The following DIAPH3 variants were observed in gnomAD, a reference collection of about 807,000 sequenced individuals.
DIAPH3 encodes protein diaphanous homolog 3.
DIAPH3 carries 117 observed loss-of-function variants against 144.3 expected under a neutral mutation model. The observed-to-expected ratio is 0.81, with a 90% CI of 0.70 to 0.95. The LOEUF (loss-of-function observed/expected upper bound fraction) is 0.95, where lower values mean the gene tolerates loss of function less well. DIAPH3 is among the 40% of genes least tolerant of loss of function. The pLI is 0.00. For missense variants in DIAPH3, 1,421 were observed against 1,412.7 expected, an observed-to-expected ratio of 1.01 and a Z score of -0.09; for synonymous variants, 519 against 488.9, an observed-to-expected ratio of 1.06 and a Z score of -0.81.
intron 7 of DIAPH3, chr13:60,012,645 T>C (rs339530): frequency 0.56 from 85,243 of 152,310 alleles, 24,409 homozygotes; most frequent in African/African-American, 0.61. Context: ...ACCTACCTGG[T>C]TGTCCTTAGC....
chr13:59,991,895 T>C (rs1162053649), intron 11 of DIAPH3, among the ~76,000 whole-genome samples, 173 bp downstream of exon 11: 1 of 152,064 alleles, frequency 6.6e-6, no homozygotes, highest in Non-Finnish European at 1.5e-5. Context: ...CGCTTACATA[T>C]ATGTGTATTC....
At chr13:59,818,581 T>C (rs921859870) in intron 24 of DIAPH3, among the ~76,000 whole-genome samples, 1 of 151,858 alleles carries the variant, frequency 6.6e-6, no homozygotes, top group Non-Finnish European at 1.5e-5. Flanking sequence ...TTTCCTATTC[T>C]ATGGATTGCT....
intron 4 of DIAPH3, among the ~76,000 whole-genome samples, chr13:60,082,072 G>A (rs1341651262): frequency 2.0e-5 from 3 of 151,476 alleles, no homozygotes; most frequent in Non-Finnish European, 2.9e-5. Context: ...CAGACATTAA[G>A]AGAATATATA....
chr13:60,084,059 T>TAGAA (rs952997556), intron 4 of DIAPH3, among the ~76,000 whole-genome samples: 56 of 145,528 alleles, frequency 3.8e-4, no homozygotes, highest in East Asian at 2.1e-4. Context: ...GATAGATAGA[T>TAGAA]AGAAAGAATA....
At chr13:59,686,412 A>G (rs895102671) in intron 27 of DIAPH3, among the ~76,000 whole-genome samples, 3 of 151,908 alleles carry the variant, frequency 2.0e-5, no homozygotes, top group Admixed American at 1.3e-4. Flanking sequence ...TCAATGTTCT[A>G]CTCAAAAGAG....
intron 25 of DIAPH3, among the ~76,000 whole-genome samples, chr13:59,794,293 T>C (rs907931401): frequency 1.3e-5 from 2 of 152,186 alleles, no homozygotes; most frequent in African/African-American, 4.8e-5. Flanking sequence ...TGAATTACCA[T>C]TTTCCCCAAA....
chr13:59,689,331 C>T (rs919512210), intron 27 of DIAPH3, among the ~76,000 whole-genome samples: 3 of 151,916 alleles, frequency 2.0e-5, no homozygotes, highest in African/African-American at 7.3e-5. Flanking sequence ...CTTCTTCACC[C>T]ACACAAGAGG....
chr13:60,081,851 G>C (rs1403939762), intron 4 of DIAPH3, among the ~76,000 whole-genome samples: 1 of 151,986 alleles, frequency 6.6e-6, no homozygotes, highest in Non-Finnish European at 1.5e-5. Flanking sequence ...GAGTATGAGT[G>C]ACTACAAGAG....
In DIAPH3 at chr13:59,971,129, G is replaced by A. The variant is rs752119644; in HGVS notation, c.1682C>T (p.Pro561Leu). The A allele has an allele frequency of 1.9e-6, 3 of 1,597,126 alleles. No individual in the cohort carries two copies. The highest frequency in any genetic ancestry group is 2.6e-6 in the Non-Finnish European group (3 of 1,171,028). Residue 561 changes from proline (P) to leucine (L), a missense_variant, in exon 16 of 28, where the codon CCT (proline) becomes CTT (leucine). By Grantham distance (98) the Pro-to-Leu change is moderately conservative. Transcript: ENST00000400324. ...TCCACCTTCTTTAGAGGGAGGCAAAGGAATATTACAATCAGCTGGCAAGGC... is the reference window on the plus strand; with the variant it reads ...TCCACCTTCTTTAGAGGGAGGCAAAAGAATATTACAATCAGCTGGCAAGGC... The part of the protein sequence containing the change: ...FGALPADCNI[P>L]LPPSKEGGTG...
chr13:59,894,851 T>C (rs1313148611), intron 20 of DIAPH3, among the ~76,000 whole-genome samples: 1 of 151,980 alleles, frequency 6.6e-6, no homozygotes, highest in African/African-American at 2.4e-5. Flanking sequence ...TGGCTAGTGA[T>C]TCCAAGGAGA....
chr13:60,098,038 C>T (rs1285104935), intron 3 of DIAPH3, among the ~76,000 whole-genome samples: 2 of 152,054 alleles, frequency 1.3e-5, no homozygotes, highest in African/African-American at 4.8e-5. Flanking sequence ...GGTGAAGCAT[C>T]TCCCAAGGCT....
intron 9 of DIAPH3, among the ~76,000 whole-genome samples, chr13:59,992,909 CACACA>C (rs2051933327): frequency 6.7e-6 from 1 of 148,574 alleles, no homozygotes; most frequent in African/African-American, 2.5e-5. Flanking sequence ...TATCACTCTA[CACACA>C]TACAACAGAA....
intron 25 of DIAPH3, among the ~76,000 whole-genome samples, chr13:59,775,256 T>G (rs2038345289): frequency 1.3e-5 from 2 of 151,958 alleles, no homozygotes; most frequent in Non-Finnish European, 2.9e-5. Context: ...TTTTTTGTTT[T>G]TTTTGAGACA....
At chr13:59,816,660 C>T (rs543998201) in intron 24 of DIAPH3, among the ~76,000 whole-genome samples, 14 of 151,552 alleles carry the variant, frequency 9.2e-5, no homozygotes, top group Non-Finnish European at 1.9e-4. Context: ...TCATATAAAT[C>T]CTTTTTAAAT....
rs1487515631 is a variant in DIAPH3, at chr13:59,939,196, G to GA, written c.2075-14327_2075-14326insT. On this transcript the variant is annotated intron_variant, in intron 17 of 27. Transcript: ENST00000400324. ...CCAAGAGGTGTTCAAAGGCAGAGTT[G>GA]GTCCTTATTCACTGCACACCTCAAA... 3.9e-3 allele frequency among the ~76,000 whole-genome samples: 593 copies of GA among 152,156 alleles called. 4 individuals are homozygous for GA. The highest frequency in any genetic ancestry group is 0.014 in the African/African-American group (565 of 41,518).
chr13:59,700,397 T>C (rs1023518356), intron 27 of DIAPH3, among the ~76,000 whole-genome samples: 4 of 152,196 alleles, frequency 2.6e-5, no homozygotes, highest in South Asian at 2.1e-4. Flanking sequence ...AATTCCTTTA[T>C]TAGGCCACAG....
intron 22 of DIAPH3, among the ~76,000 whole-genome samples, chr13:59,840,606 C>T (rs1321341458): frequency 1.3e-5 from 2 of 151,988 alleles, no homozygotes; most frequent in East Asian, 1.9e-4. Context: ...CTGACATTAA[C>T]AGCTTTTAAT....
chr13:59,869,887 C>T (rs573811675), intron 21 of DIAPH3, among the ~76,000 whole-genome samples: 1 of 152,102 alleles, frequency 6.6e-6, no homozygotes, highest in South Asian at 2.1e-4. Flanking sequence ...AGATAAAAGT[C>T]CTTTATCAGG....
intron 1 of DIAPH3, among the ~76,000 whole-genome samples, chr13:60,134,559 G>T (rs985569320): frequency 4.6e-5 from 7 of 152,326 alleles, no homozygotes; most frequent in East Asian, 1.9e-4. Flanking sequence ...ACAGCCTGTT[G>T]TATGTGTGCC....
Sources: allele counts gnomAD v4.1 joint callset (sites outside exome capture counted in the v4.1 genomes callset), GRCh38; gene constraint gnomAD v4.1.1; transcripts MANE v1.5; gene names NCBI Gene and HGNC (gene_info 2026-07-23, HGNC 2026-07-21).